Variants in ENTPD5 observed in about 807,000 individuals in gnomAD.
The protein encoded by ENTPD5 is nucleoside diphosphate phosphatase ENTPD5.
Under a neutral mutation model 60.2 loss-of-function variants are expected in ENTPD5, and 49 were observed. That is an observed-to-expected ratio of 0.81 (90% CI 0.65 to 1.03). The LOEUF (loss-of-function observed/expected upper bound fraction) is 1.03. ENTPD5 is among the 50% of genes least tolerant of loss of function. The pLI is 0.00. For synonymous variants in ENTPD5, 187 were observed against 185.4 expected (o/e 1.01, Z -0.07); for missense variants, 480 against 507.6 (o/e 0.95, Z 0.52).
intron 3 of ENTPD5, among the ~76,000 whole-genome samples, chr14:73,995,584 CAAA>C (rs1342048269): frequency 1.2e-5 from 1 of 85,602 alleles, no homozygotes; most frequent in African/African-American, 7.1e-5. Flanking sequence ...GACTCTATCT[CAAA>C]TAATAATAAT....
At chr14:73,988,202 C>T (rs2057984573) in intron 3 of ENTPD5, 30 bp from the exon 4 acceptor site, 1 of 1,468,680 alleles carries the variant, frequency 6.8e-7, no homozygotes, top group Non-Finnish European at 9.0e-7. Context: ...CAAGTTAGAC[C>T]AACTAGCTTT....
chr14:74,016,489 A>T lies in ENTPD5; in HGVS notation c.-237-559T>A, dbSNP rs138568477. Among the ~76,000 whole-genome samples the T allele has an allele frequency of 1.0e-2, 1,516 of 152,266 alleles. 29 individuals are homozygous for T. The highest frequency in any genetic ancestry group is 0.034 in the African/African-American group (1,418 of 41,546). On this transcript the variant is annotated intron_variant, in intron 1 of 15. Coordinates refer to ENST00000334696, the MANE Select transcript of ENTPD5 (RefSeq NM_001249.5). ...CTGTCTCTACAAAAAATACAAAATTAGCCAGGCATGGTGGTGCATGCCTAC... is the reference window on the plus strand; with the variant it reads ...CTGTCTCTACAAAAAATACAAAATTTGCCAGGCATGGTGGTGCATGCCTAC...
rs201283417 is a variant in ENTPD5 at position 73,967,014 on chromosome 14, G to A, written c.1201C>T (p.Leu401Phe). 10 of 1,613,564 alleles carry A rather than the reference G, an allele frequency of 6.2e-6. No individual in the cohort carries two copies. The highest frequency in any genetic ancestry group is 4.5e-5 in the East Asian group (2 of 44,878). Residue 401 changes from leucine (L) to phenylalanine (F), a missense_variant and splice_region_variant, in exon 16 of 16, where the codon CTC becomes TTC. By Grantham distance (22) the Leu-to-Phe change is conservative (BLOSUM62 0). Coordinates refer to ENST00000334696, the MANE Select transcript of ENTPD5 (RefSeq NM_001249.5). The part of the protein sequence containing the change: ...FGFADSTVLQ[L>F]TKKVNNIETG... ...TCTATGTTGTTCACTTTCTTTGTGA[G>A]CTGTTGAGAAGAAAAAAAGTCTTCA...
rs902253131 is a variant in ENTPD5, at chr14:73,963,922, G to A, written c.*3006C>T. 1.3e-5 allele frequency: 2 copies of A among 150,928 alleles called. No individual in the cohort carries two copies. The highest frequency in any genetic ancestry group is 2.4e-5 in the African/African-American group (1 of 41,342). The allele number at this position is 150,928 out of a possible 1,614,324, so 9.3% of individuals were successfully genotyped here. A position where few individuals can be genotyped will look rare whatever the true frequency, so the allele number is the denominator to read the frequency against. On this transcript the variant is annotated 3_prime_UTR_variant, in exon 16 of 16. Transcript: ENST00000334696. ...GAGCCATGAGAAATCTATTCTTACA[G>A]GGGTGCTTTTCAGGCAAATGCAGAA...
downstream of ENTPD5, chr14:73,960,971 C>T (rs79246780): frequency 0.046 from 31,085 of 682,988 alleles, 1,038 homozygotes; most frequent in Non-Finnish European, 0.06. Context: ...AGCTCATGTA[C>T]AGTTTGGCTA....
chr14:73,955,356 A>G (rs1320900991), downstream of ENTPD5: 1 of 892,062 alleles, frequency 1.1e-6, no homozygotes, highest in African/African-American at 1.6e-5. Context: ...ATTGAAGAAC[A>G]CTGAAAACAA....
intron 4 of ENTPD5, among the ~76,000 whole-genome samples, chr14:73,987,615 G>A (rs1487514870): frequency 6.6e-6 from 1 of 152,100 alleles, no homozygotes; most frequent in East Asian, 1.9e-4. Flanking sequence ...CAAGGTTGCA[G>A]TGATGTGTCA....
At chr14:73,955,498 C>T (rs148540645), downstream of ENTPD5, 526 of 1,613,884 alleles carry the variant, frequency 3.3e-4, 1 homozygote, top group Non-Finnish European at 4.3e-4. Context: ...CAGAGCCTTT[C>T]GGCGAATGCA....
downstream of ENTPD5, chr14:73,961,280 A>T: frequency 6.2e-7 from 1 of 1,613,980 alleles, no homozygotes. Context: ...AGCTGCCCCC[A>T]AGCGTAGCCA....
At chr14:73,989,758 G>A (rs1269875422) in intron 3 of ENTPD5, among the ~76,000 whole-genome samples, 1 of 151,194 alleles carries the variant, frequency 6.6e-6, no homozygotes, top group African/African-American at 2.4e-5. Context: ...TCTTGAACCC[G>A]GGAGGCAGAG....
intron 3 of ENTPD5, among the ~76,000 whole-genome samples, chr14:73,991,935 G>A (rs552645952): frequency 1.3e-5 from 2 of 151,314 alleles, no homozygotes; most frequent in African/African-American, 4.8e-5. Context: ...GGAGGTGAAG[G>A]GTGCAGTGAG....
chr14:73,957,256 C>T (rs1490491914), downstream of ENTPD5, among the ~76,000 whole-genome samples: 1 of 152,020 alleles, frequency 6.6e-6, no homozygotes, highest in Admixed American at 6.6e-5. Flanking sequence ...TGCCACCGTG[C>T]CCAGCTAATT....
In ENTPD5 at chr14:74,013,381, G is replaced by A. The variant is rs138526416; in HGVS notation, c.-130-2231C>T. Among the ~76,000 whole-genome samples the A allele has an allele frequency of 3.6e-3, 547 of 152,234 alleles. 4 individuals are homozygous for A. Among genetic ancestry groups the A allele is most frequent in the African/African-American group, 0.012 (513 of 41,548 alleles). The stretch of plus-strand genomic sequence containing the variant: ...AAATTCTATAGCACCTAGGGTTTGG[G>A]CCAAGCTTAGTCAAAACCCACAGCC... On this transcript the variant is annotated intron_variant, in intron 2 of 15. Transcript: ENST00000334696.
intron 1 of ENTPD5, 136 bp from the exon 2 acceptor site, chr14:74,016,066 G>A (rs553072944): frequency 6.6e-6 from 1 of 152,256 alleles, no homozygotes; most frequent in East Asian, 1.9e-4. Flanking sequence ...TCATAGTAAA[G>A]GCACCTACCA....
chr14:74,012,833 C>A (rs1048176614), intron 2 of ENTPD5, among the ~76,000 whole-genome samples: 3 of 152,150 alleles, frequency 2.0e-5, no homozygotes, highest in African/African-American at 4.8e-5. Context: ...CATTTAAAAA[C>A]CCCCAAAAAC....
intron 3 of ENTPD5, among the ~76,000 whole-genome samples, chr14:73,997,406 T>C (rs905268643): frequency 3.3e-5 from 5 of 152,138 alleles, no homozygotes; most frequent in African/African-American, 1.2e-4. Flanking sequence ...GAAAATTGGA[T>C]AGGTGATTAG....
intron 7 of ENTPD5, 50 bp from the exon 8 acceptor site, chr14:73,977,109 T>C (rs2057475714): frequency 6.4e-7 from 1 of 1,560,656 alleles, no homozygotes; most frequent in Non-Finnish European, 8.7e-7. Context: ...TTTTTCTCTT[T>C]CCTGGCCCCA....
At chr14:73,999,255 A>G (rs1271056428) in intron 3 of ENTPD5, among the ~76,000 whole-genome samples, 1 of 152,132 alleles carries the variant, frequency 6.6e-6, no homozygotes, top group Admixed American at 6.6e-5. Context: ...TGGGAGGCCA[A>G]AGTGGGTGGA....
downstream of ENTPD5, among the ~76,000 whole-genome samples, chr14:73,957,098 A>ATT (rs1265250285): frequency 7.8e-6 from 1 of 127,432 alleles, no homozygotes; most frequent in African/African-American, 2.6e-5. Flanking sequence ...TATTATTATT[A>ATT]TTATTTTTTT....
Sources: allele counts gnomAD v4.1 joint callset (sites outside exome capture counted in the v4.1 genomes callset), GRCh38; gene constraint gnomAD v4.1.1; transcripts MANE v1.5; gene names NCBI Gene and HGNC (gene_info 2026-07-23, HGNC 2026-07-21).